Variants in ZNF385D observed in about 807,000 individuals in gnomAD.
The protein encoded by ZNF385D is zinc finger protein 385D.
A neutral mutation model predicts 35.8 loss-of-function variants in ZNF385D; 15 were observed. The observed-to-expected ratio is 0.42, with a 90% CI of 0.28 to 0.64. ZNF385D has a LOEUF of 0.64. ZNF385D is among the 30% of genes least tolerant of loss of function. The pLI is 0.23. For missense variants in ZNF385D, 474 were observed against 494.6 expected, an observed-to-expected ratio of 0.96 and a Z score of 0.39; for synonymous variants, 212 against 186.8, an observed-to-expected ratio of 1.13 and a Z score of -1.10.
At chr3:22,169,848 G>GC (rs1312832010) in intron 2 of ZNF385D, among the ~76,000 whole-genome samples, 4 of 152,132 alleles carry the variant, frequency 2.6e-5, no homozygotes, top group African/African-American at 9.7e-5. Context: ...AAGCTGGAGT[G>GC]CAGTGGCATG....
intron 4 of ZNF385D, among the ~76,000 whole-genome samples, chr3:21,488,285 G>C (rs1253122552): frequency 2.6e-5 from 4 of 151,774 alleles, no homozygotes; most frequent in Non-Finnish European, 5.9e-5. Context: ...CTCTTATCAG[G>C]AAAAGGAGGA....
intron 3 of ZNF385D, among the ~76,000 whole-genome samples, chr3:22,128,582 C>T (rs1703585419): frequency 6.6e-6 from 1 of 151,964 alleles, no homozygotes; most frequent in East Asian, 1.9e-4. Context: ...TTTTTGTCTC[C>T]TCTGTGAATT....
intron 3 of ZNF385D, among the ~76,000 whole-genome samples, chr3:21,943,545 C>A (rs1575973807): frequency 2.6e-5 from 4 of 151,044 alleles, no homozygotes; most frequent in Admixed American, 2.0e-4. Flanking sequence ...TCATATGATA[C>A]AGTATAGATT....
intron 3 of ZNF385D, among the ~76,000 whole-genome samples, chr3:21,864,976 C>A (rs922130225): frequency 9.3e-6 from 1 of 107,548 alleles, no homozygotes; most frequent in Non-Finnish European, 1.8e-5. Context: ...AGCCAACCTA[C>A]GTTTGGAACA....
At chr3:21,667,474 C>A (rs1485863025) in intron 1 of ZNF385D, among the ~76,000 whole-genome samples, 6 of 152,160 alleles carry the variant, frequency 3.9e-5, no homozygotes, top group Non-Finnish European at 7.4e-5. Flanking sequence ...AAATTACTTT[C>A]ATTTGTGTCA....
intron 2 of ZNF385D, among the ~76,000 whole-genome samples, chr3:22,298,921 A>C (rs187790469): frequency 2.6e-4 from 40 of 152,086 alleles, no homozygotes; most frequent in African/African-American, 9.6e-4. Flanking sequence ...ACAGTTCTTA[A>C]AAAAGAATTG....
chr3:21,673,935 A>C lies in ZNF385D; in HGVS notation c.23-8907T>G, dbSNP rs144887277. ...TAATGTATGCAGTTAAACCTGGCTTACTACATCTGTCTCTCAGGGAAATTT... is the reference window on the plus strand; with the variant it reads ...TAATGTATGCAGTTAAACCTGGCTTCCTACATCTGTCTCTCAGGGAAATTT... On this transcript the variant is annotated intron_variant, in intron 1 of 7. Coordinates refer to ENST00000281523, the MANE Select transcript of ZNF385D (RefSeq NM_024697.3). Among the ~76,000 whole-genome samples the C allele has an allele frequency of 2.4e-4, 36 of 152,230 alleles. 1 individual carries two copies. Among genetic ancestry groups the C allele is most frequent in the Middle Eastern group, 3.4e-3 (1 of 294 alleles).
At chr3:21,730,289 C>A (rs987937149) in intron 1 of ZNF385D, among the ~76,000 whole-genome samples, 2 of 152,202 alleles carry the variant, frequency 1.3e-5, no homozygotes, top group African/African-American at 4.8e-5. Context: ...AAACATCTGA[C>A]CTGGAATCTG....
At chr3:21,757,843 C>A (rs146214274) in intron 3 of ZNF385D, among the ~76,000 whole-genome samples, 49 of 152,280 alleles carry the variant, frequency 3.2e-4, no homozygotes, top group African/African-American at 1.0e-3. Context: ...AAGGCAGAGA[C>A]ATGTATATCA....
intron 2 of ZNF385D, among the ~76,000 whole-genome samples, chr3:21,600,536 C>G (rs1424570692): frequency 1.3e-5 from 2 of 152,206 alleles, no homozygotes; most frequent in Non-Finnish European, 2.9e-5. Flanking sequence ...AGCCTTATCA[C>G]TCCATATTGC....
At chr3:21,435,205 T>G (rs1039594463) in intron 5 of ZNF385D, among the ~76,000 whole-genome samples, 2 of 151,958 alleles carry the variant, frequency 1.3e-5, no homozygotes, top group Non-Finnish European at 2.9e-5. Context: ...ATTCCTTCTT[T>G]GTTTCTTTAT....
chr3:22,170,307 C>G (rs946782439), intron 2 of ZNF385D, among the ~76,000 whole-genome samples: 1 of 152,154 alleles, frequency 6.6e-6, no homozygotes, highest in Non-Finnish European at 1.5e-5. Flanking sequence ...ATACAAAAGC[C>G]ATGGACTTTG....
chr3:22,175,473 T>C (rs1367090636), intron 2 of ZNF385D, among the ~76,000 whole-genome samples: 2 of 152,008 alleles, frequency 1.3e-5, no homozygotes, highest in African/African-American at 4.8e-5. Context: ...AAAAAGCTAT[T>C]AGGTGATTTG....
chr3:21,799,251 T>C (rs2072290916), intron 3 of ZNF385D, among the ~76,000 whole-genome samples: 1 of 152,212 alleles, frequency 6.6e-6, no homozygotes, highest in Admixed American at 6.5e-5. Flanking sequence ...AGTGCTGCTA[T>C]AAATATTCCC....
At chr3:21,788,965 G>T (rs936500007) in intron 3 of ZNF385D, among the ~76,000 whole-genome samples, 5 of 152,134 alleles carry the variant, frequency 3.3e-5, no homozygotes, top group African/African-American at 9.7e-5. Context: ...AACAAAAAAA[G>T]AATGGAGCAG....
At position 21,421,261 on chromosome 3, in the gene ZNF385D, C is replaced by CGGG; in HGVS notation, c.1140_1141insCCC (p.Pro380dup). ...GGAGTGTGGGCGGTCCGAATGGGTC[C>CGGG]AGGAGCTGGCCGCAGGAGTGCCGGA... On this transcript the variant is annotated inframe_insertion, in exon 8 of 8. Transcript: ENST00000281523. 2 of 1,613,922 alleles carry CGGG rather than the reference C, an allele frequency of 1.2e-6. No homozygotes were observed. Among genetic ancestry groups the CGGG allele is most frequent in the Non-Finnish European group, 8.5e-7 (1 of 1,179,996 alleles).
intron 4 of ZNF385D, among the ~76,000 whole-genome samples, chr3:21,445,935 C>T (rs1702123832): frequency 6.6e-6 from 1 of 152,128 alleles, no homozygotes; most frequent in South Asian, 2.1e-4. Context: ...CTTTGGCTCT[C>T]AAAACATCCC....
At chr3:21,670,640 A>C (rs2066538648) in intron 1 of ZNF385D, among the ~76,000 whole-genome samples, 2 of 105,018 alleles carry the variant, frequency 1.9e-5, no homozygotes, top group Admixed American at 1.0e-4. Context: ...TAAAAATGAA[A>C]TCCTAAGGCG....
intron 3 of ZNF385D, among the ~76,000 whole-genome samples, chr3:21,893,405 C>G (rs1698979886): frequency 6.6e-6 from 1 of 152,082 alleles, no homozygotes; most frequent in Non-Finnish European, 1.5e-5. Context: ...TTAAATGGCA[C>G]TCATGTCATC....
Sources: allele counts gnomAD v4.1 joint callset (sites outside exome capture counted in the v4.1 genomes callset), GRCh38; gene constraint gnomAD v4.1.1; transcripts MANE v1.5; gene names NCBI Gene and HGNC (gene_info 2026-07-23, HGNC 2026-07-21).